PARP15: variants seen among roughly 807,000 people sequenced by gnomAD.
PARP15 encodes protein mono-ADP-ribosyltransferase PARP15.
In PARP15, 50 loss-of-function variants were observed where a neutral mutation model predicts 62.1. The ratio of observed to expected loss-of-function variants is 0.81; its 90% confidence interval spans 0.64 to 1.02. The LOEUF is 1.02. PARP15 is among the 50% of genes least tolerant of loss of function. The probability of loss-of-function intolerance (pLI) is 0.00; values close to 1 mark genes in which losing one functional copy is unlikely to be tolerated. For missense variants in PARP15, 820 were observed against 826.5 expected (o/e 0.99, Z 0.10); for synonymous variants, 309 against 293.1 (o/e 1.05, Z -0.55).
At chr3:122,618,717 G>A (rs1936146245) in intron 6 of PARP15, among the ~76,000 whole-genome samples, 1 of 152,156 alleles carries the variant, frequency 6.6e-6, no homozygotes, top group South Asian at 2.1e-4. Flanking sequence ...CCAGGCATAG[G>A]TGAGATGAGG....
intron 4 of PARP15, 108 bp from the exon 5 acceptor site, chr3:122,615,671 G>A: frequency 6.3e-7 from 1 of 1,575,108 alleles, no homozygotes; most frequent in Non-Finnish European, 8.6e-7. Context: ...GAAATATTTT[G>A]AGAACTATTG....
intron 2 of PARP15, among the ~76,000 whole-genome samples, chr3:122,607,362 A>C (rs1003145446): frequency 5.3e-5 from 8 of 152,188 alleles, no homozygotes; most frequent in Admixed American, 4.6e-4. Context: ...GCAGGGTTCA[A>C]ATACTGCTCC....
In PARP15 at chr3:122,632,119, A is replaced by G. The variant is rs1355432603; in HGVS notation, c.1472A>G (p.His491Arg). ...NLPEHWTDMN[H>R]QLFCMVQLEP... ...CCTGAACACTGGACTGACATGAATCATCAGCTGTTTTGCATGGTCCAGCTA... is the reference window on the plus strand; with the variant it reads ...CCTGAACACTGGACTGACATGAATCGTCAGCTGTTTTGCATGGTCCAGCTA... The change falls in exon 10 of 12, where the codon CAT becomes CGT. Residue 491 changes from histidine (H) to arginine (R), a missense_variant. Transcript: ENST00000464300. 4.3e-6 allele frequency: 7 copies of G among 1,613,960 alleles called. No individual in the cohort carries two copies. The African/African-American group carries it at 9.3e-5, about 22-fold the overall frequency.
chr3:122,593,276 T>C lies in PARP15; in HGVS notation c.187-12660T>C, dbSNP rs2107482515. ...GCTTCAGCATCCCGAGTAGCTAGGATTACAGATGCCCGCCACCATGCCTGG... is the reference window on the plus strand; with the variant it reads ...GCTTCAGCATCCCGAGTAGCTAGGACTACAGATGCCCGCCACCATGCCTGG... On this transcript the variant is annotated intron_variant, in intron 1 of 11. Transcript: ENST00000464300. Among the ~76,000 whole-genome samples, 4 of 152,144 alleles carry C rather than the reference T, an allele frequency of 2.6e-5. No individual in the cohort carries two copies. The South Asian group carries it at 8.3e-4, about 32-fold the overall frequency.
Position 122,577,815 on chromosome 3 carries a change from G to T in PARP15, c.148G>T (p.Ala50Ser). The T allele has an allele frequency of 6.4e-7, 1 of 1,550,692 alleles. No homozygotes were observed. Among genetic ancestry groups the T allele is most frequent in the African/African-American group, 1.4e-5 (1 of 73,070 alleles). Reference protein sequence around the residue: ...GSVLPAGNRGARKASRRSSSR... With the variant: ...GSVLPAGNRGSRKASRRSSSR... ...CGTGCTGCCGGCCGGGAACCGTGGG[G>T]CGCGGAAGGCCTCCCGGCGCTCTTC... Residue 50 changes from alanine (A) to serine (S), a missense_variant, in exon 1 of 12, where the codon GCG becomes TCG. Coordinates refer to ENST00000464300, the MANE Select transcript of PARP15 (RefSeq NM_001113523.3).
chr3:122,614,139 G>C (rs1487949266), intron 4 of PARP15, among the ~76,000 whole-genome samples: 1 of 152,104 alleles, frequency 6.6e-6, no homozygotes, highest in African/African-American at 2.4e-5. Context: ...TGCCCAGCCT[G>C]AATCTCAGTT....
At chr3:122,631,588 A>G (rs1448404359) in intron 9 of PARP15, among the ~76,000 whole-genome samples, 6 of 152,210 alleles carry the variant, frequency 3.9e-5, no homozygotes, top group African/African-American at 1.4e-4. Flanking sequence ...ATGGGAAAGC[A>G]TTCTCTCAGC....
chr3:122,594,786 G>C, intron 1 of PARP15: 1 of 982,208 alleles, frequency 1.0e-6, no homozygotes, highest in Non-Finnish European at 1.2e-6. Context: ...GGACACCATG[G>C]AAGTTCAGCA....
At position 122,635,793 on chromosome 3, in the gene PARP15, T is replaced by C; in HGVS notation, c.1748-18T>C. The C allele has an allele frequency of 6.3e-7, 1 of 1,599,626 alleles. No homozygotes were observed. The highest frequency in any genetic ancestry group is 8.5e-7 in the Non-Finnish European group (1 of 1,173,178). On this transcript the variant is annotated intron_variant, in intron 11 of 11. Transcript: ENST00000464300. ...TAATTTTATATTCTTAGGAAGGTTT[T>C]TGTCTTTCTCTTTCCAGCTGTATCC...
At chr3:122,619,686 A>C (rs1158825167) in intron 6 of PARP15, 95 bp from the exon 7 acceptor site, 2 of 1,100,160 alleles carry the variant, frequency 1.8e-6, no homozygotes, top group African/African-American at 3.1e-5. Context: ...GATTATGCAC[A>C]AAAGGGTGAG....
chr3:122,590,314 C>G (rs1933798291), intron 1 of PARP15, among the ~76,000 whole-genome samples: 1 of 151,064 alleles, frequency 6.6e-6, no homozygotes. Flanking sequence ...GCTCTGTTGC[C>G]CAGGCTGGAG....
chr3:122,635,666 G>C (rs1937317818), intron 11 of PARP15, 145 bp from the exon 12 acceptor site: 1 of 873,996 alleles, frequency 1.1e-6, no homozygotes, highest in Admixed American at 2.8e-5. Flanking sequence ...TCTTGCCTCA[G>C]CCTCCCAAAG....
In PARP15 at chr3:122,635,080, G is replaced by A. The variant is rs556596647; in HGVS notation, c.1633G>A (p.Asp545Asn). 2 of 1,614,032 alleles carry A rather than the reference G, an allele frequency of 1.2e-6. No individual in the cohort carries two copies. The highest frequency in any genetic ancestry group is 4.5e-5 in the East Asian group (2 of 44,862). The change falls in exon 11 of 12, where the codon GAT becomes AAT. Residue 545 changes from aspartate (D) to asparagine (N), a missense_variant. Asp to Asn is a conservative substitution (Grantham distance 23, BLOSUM62 1). Transcript: ENST00000464300. ...CTACCAGGTAAAGAAAAGGCAAATGGATATCAAGAATGACCATAAGAATAA... is the reference window on the plus strand; with the variant it reads ...CTACCAGGTAAAGAAAAGGCAAATGAATATCAAGAATGACCATAAGAATAA... ...QSYQVKKRQM[D>N]IKNDHKNNER... is the part of the protein sequence containing the mutation.
At chr3:122,615,258 T>C in intron 4 of PARP15, 1 of 1,287,664 alleles carries the variant, frequency 7.8e-7, no homozygotes. Context: ...TGAGGTTTTC[T>C]AACGTGGATT....
chr3:122,610,587 C>G lies in PARP15; in HGVS notation c.400C>G (p.Gln134Glu), dbSNP rs866228247. The G allele has an allele frequency of 6.4e-7, 1 of 1,551,628 alleles. No homozygotes were observed. Among genetic ancestry groups the G allele is most frequent in the Non-Finnish European group, 8.7e-7 (1 of 1,146,990 alleles). The stretch of plus-strand genomic sequence containing the variant: ...TTTGCAGAAAGCTGGTCCCATGCTC[C>G]AGAAAGAGTTAGATGACAGAAGGCG... Reference protein sequence around the residue: ...AFLQKAGPMLQKELDDRRRET... With the variant: ...AFLQKAGPMLEKELDDRRRET... The change falls in exon 3 of 12, where the codon CAG becomes GAG. Residue 134 changes from glutamine to glutamate, a missense_variant. By Grantham distance (29) the Gln-to-Glu change is conservative. This residue lies in a region of PARP15 where 731 missense variants were observed against 727.7 expected (regional missense o/e 1.00). Transcript: ENST00000464300.
intron 2 of PARP15, among the ~76,000 whole-genome samples, chr3:122,607,038 C>T (rs2332286): frequency 0.081 from 12,260 of 152,266 alleles, 548 homozygotes; most frequent in Non-Finnish European, 0.11. Context: ...CACGTGGGTT[C>T]AGGACCTTGT....
rs1223320443 is a variant in PARP15, at chr3:122,638,636, T to A, written c.*2536T>A. ...TCCGTTCATATCCTTTGCCCACTTT[T>A]TGATGGGGTTCTTTGTTTTTTTCTT... On this transcript the variant is annotated 3_prime_UTR_variant, in exon 12 of 12. Transcript: ENST00000464300. 6.6e-6 allele frequency: 1 copy of A among 152,230 alleles called. No individual in the cohort carries two copies. Among genetic ancestry groups the A allele is most frequent in the South Asian group, 2.1e-4 (1 of 4,834 alleles). 9.4% of individuals were successfully genotyped at this position (152,230 alleles called of 1,614,324 possible). A position where few individuals can be genotyped will look rare whatever the true frequency, so the allele number is the denominator to read the frequency against.
intron 1 of PARP15, among the ~76,000 whole-genome samples, chr3:122,587,998 G>C (rs1210730454): frequency 6.6e-6 from 1 of 152,024 alleles, no homozygotes; most frequent in African/African-American, 2.4e-5. Flanking sequence ...GTATGTTTTA[G>C]ATAACACTTC....
intron 1 of PARP15, among the ~76,000 whole-genome samples, chr3:122,592,928 A>C (rs188945461): frequency 2.7e-4 from 41 of 152,298 alleles, no homozygotes; most frequent in Non-Finnish European, 5.6e-4. Context: ...TCTGACTCCA[A>C]TGTGTGTGCC....
Sources: allele counts gnomAD v4.1 joint callset (sites outside exome capture counted in the v4.1 genomes callset), GRCh38; gene constraint gnomAD v4.1.1; regional missense constraint gnomAD v4.1.1; transcripts MANE v1.5; gene names NCBI Gene and HGNC (gene_info 2026-07-23, HGNC 2026-07-21).